SH3RF3: variants seen among roughly 807,000 people sequenced by gnomAD.
The protein encoded by SH3RF3 is SH3 domain containing ring finger 3.
In SH3RF3, 29 loss-of-function variants were observed where a neutral mutation model predicts 66.3. The observed-to-expected ratio is 0.44, with a 90% CI of 0.33 to 0.60. The LOEUF (loss-of-function observed/expected upper bound fraction) is 0.60, where lower values mean the gene tolerates loss of function less well. SH3RF3 is among the 20% of genes least tolerant of loss of function. SH3RF3 has a pLI of 0.04. For synonymous variants in SH3RF3, 583 were observed against 532.0 expected (o/e 1.10, Z -1.32); for missense variants, 1,194 against 1,190.9 (o/e 1.00, Z -0.04).
chr2:109,204,379 T>G (rs958752066), intron 1 of SH3RF3, among the ~76,000 whole-genome samples: 1 of 152,254 alleles, frequency 6.6e-6, no homozygotes, highest in Non-Finnish European at 1.5e-5. Context: ...ATCTTTTAAA[T>G]CATTATCAAT....
chr2:109,462,227 C>CA (rs1373877404), intron 8 of SH3RF3, among the ~76,000 whole-genome samples: 1 of 150,644 alleles, frequency 6.6e-6, no homozygotes, highest in Non-Finnish European at 1.5e-5. Context: ...ACCATCCCTG[C>CA]AAACTATTTT....
chr2:109,207,454 A>G (rs1472572887), intron 1 of SH3RF3, among the ~76,000 whole-genome samples: 1 of 152,214 alleles, frequency 6.6e-6, no homozygotes, highest in Non-Finnish European at 1.5e-5. Flanking sequence ...TTTGTGATGT[A>G]GGTAATTATA....
At chr2:109,368,726 AAAAG>A (rs1363970621) in intron 2 of SH3RF3, among the ~76,000 whole-genome samples, 1 of 150,818 alleles carries the variant, frequency 6.6e-6, no homozygotes, top group Non-Finnish European at 1.5e-5. Context: ...AAAAAAAAGA[AAAAG>A]AAAAAGAAAG....
intron 2 of SH3RF3, among the ~76,000 whole-genome samples, chr2:109,354,346 A>G (rs1177153933): frequency 6.6e-6 from 1 of 152,190 alleles, no homozygotes; most frequent in Non-Finnish European, 1.5e-5. Context: ...TCTGGGCTCC[A>G]GCTTGTTATT....
intron 3 of SH3RF3, among the ~76,000 whole-genome samples, chr2:109,374,387 C>T (rs529346723): frequency 1.3e-5 from 2 of 152,360 alleles, no homozygotes; most frequent in African/African-American, 4.8e-5. Flanking sequence ...ACAGGTGTTT[C>T]CTGGGACTTT....
Position 109,308,575 on chromosome 2 carries a change from T to C in SH3RF3, c.574-39099T>C, listed in dbSNP as rs200773958. Among the ~76,000 whole-genome samples the C allele has an allele frequency of 1.1e-4, 6 of 56,978 alleles. 1 individual carries two copies. In the East Asian group the frequency reaches 3.3e-3, roughly 31 times the overall value. The allele number at this position is 56,978 out of a possible 152,430, so 37.4% of individuals were successfully genotyped here. On this transcript the variant is annotated intron_variant, in intron 1 of 9. Transcript: ENST00000309415. ...GTTTTAGGTCTAACATTTAAATCTT[T>C]AATCCATCTTGAATTGATTTTTGTA...
intron 1 of SH3RF3, among the ~76,000 whole-genome samples, chr2:109,288,532 G>A (rs56141343): frequency 0.34 from 51,452 of 152,116 alleles, 8,950 homozygotes; most frequent in South Asian, 0.41. Flanking sequence ...TCTCAAAACA[G>A]AATTTTTGTC....
At chr2:109,246,964 G>A (rs1679932781) in intron 1 of SH3RF3, among the ~76,000 whole-genome samples, 1 of 152,236 alleles carries the variant, frequency 6.6e-6, no homozygotes, top group Non-Finnish European at 1.5e-5. Context: ...CAGAGCATGA[G>A]GAGGACTCAT....
At chr2:109,152,794 G>A (rs1212875076) in intron 1 of SH3RF3, among the ~76,000 whole-genome samples, 1 of 152,218 alleles carries the variant, frequency 6.6e-6, no homozygotes, top group East Asian at 1.9e-4. Flanking sequence ...TGGCCTGATG[G>A]TGGGGTGCCT....
At chr2:109,365,210 C>T (rs1314206174) in intron 2 of SH3RF3, among the ~76,000 whole-genome samples, 1 of 152,206 alleles carries the variant, frequency 6.6e-6, no homozygotes, top group Non-Finnish European at 1.5e-5. Flanking sequence ...GTGGATTTTT[C>T]TCTGATATTC....
At chr2:109,471,685 T>G (rs1276294112) in intron 8 of SH3RF3, among the ~76,000 whole-genome samples, 1 of 151,866 alleles carries the variant, frequency 6.6e-6, no homozygotes, top group East Asian at 1.9e-4. Flanking sequence ...TGGGGCGGGG[T>G]CTAAGTCTCT....
At chr2:109,247,614 G>C (rs1178221275) in intron 1 of SH3RF3, among the ~76,000 whole-genome samples, 1 of 152,202 alleles carries the variant, frequency 6.6e-6, no homozygotes, top group Non-Finnish European at 1.5e-5. Flanking sequence ...AAAGGTGTGA[G>C]TGTCCTTAAC....
rs931380354 is a variant in SH3RF3, at chr2:109,148,852, A to T, written c.573+18739A>T. ...AGCAATCATGGCAGTGTTTTTTTTT[A>T]AAAAGTATTTTAGGTGAATTCATGG... On this transcript the variant is annotated intron_variant, in intron 1 of 9. Coordinates refer to ENST00000309415, the MANE Select transcript of SH3RF3 (RefSeq NM_001099289.3). Among the ~76,000 whole-genome samples the T allele has an allele frequency of 5.3e-5, 8 of 151,672 alleles. No individual in the cohort carries two copies. In the East Asian group the frequency reaches 9.7e-4, roughly 18 times the overall value.
At chr2:109,194,717 TA>T (rs1678455313) in intron 1 of SH3RF3, among the ~76,000 whole-genome samples, 1 of 152,206 alleles carries the variant, frequency 6.6e-6, no homozygotes, top group Non-Finnish European at 1.5e-5. Flanking sequence ...CCCTCCACCC[TA>T]AACACTGCCC....
At chr2:109,223,744 G>A (rs1158112447) in intron 1 of SH3RF3, among the ~76,000 whole-genome samples, 1 of 152,218 alleles carries the variant, frequency 6.6e-6, no homozygotes, top group Non-Finnish European at 1.5e-5. Context: ...TTGCAGAGCC[G>A]TGGAGGACAG....
chr2:109,129,299 C>G lies in SH3RF3; in HGVS notation c.-242C>G, dbSNP rs1378917138. ...CAGGTGTAGCCCGCAGCCGCAGGCG[C>G]TGCGCTCAGGACTGGGCGGGCTCGG... On this transcript the variant is annotated 5_prime_UTR_variant, in exon 1 of 10. Coordinates refer to ENST00000309415, the MANE Select transcript of SH3RF3 (RefSeq NM_001099289.3). 1 of 732,678 alleles carries G rather than the reference C, an allele frequency of 1.4e-6. No homozygotes were observed. Among genetic ancestry groups the G allele is most frequent in the Non-Finnish European group, 2.2e-6 (1 of 449,382 alleles). The allele number at this position is 732,678 out of a possible 1,614,324, so 45.4% of individuals were successfully genotyped here.
intron 1 of SH3RF3, among the ~76,000 whole-genome samples, chr2:109,271,576 A>G (rs913838826): frequency 3.3e-5 from 5 of 152,234 alleles, no homozygotes; most frequent in Non-Finnish European, 4.4e-5. Flanking sequence ...TAACTATGGC[A>G]TCCCAGCCAG....
chr2:109,132,926 A>G (rs1003877468), intron 1 of SH3RF3, among the ~76,000 whole-genome samples: 3 of 152,262 alleles, frequency 2.0e-5, no homozygotes. Context: ...TTTAATAAGG[A>G]CTTGAATATC....
intron 1 of SH3RF3, among the ~76,000 whole-genome samples, chr2:109,311,615 G>A (rs1437005539): frequency 6.6e-6 from 1 of 152,226 alleles, no homozygotes; most frequent in African/African-American, 2.4e-5. Context: ...CTTCCTAAAA[G>A]CAATGGCCCT....
Sources: gnomAD v4.1 joint callset for allele counts (sites outside exome capture counted in the v4.1 genomes callset) on GRCh38, gnomAD v4.1.1 for gene constraint, MANE v1.5 for transcripts, NCBI Gene and HGNC (gene_info 2026-07-23, HGNC 2026-07-21) for gene names.